GALNT1: variants seen among roughly 807,000 people sequenced by gnomAD.
GALNT1 encodes polypeptide N-acetylgalactosaminyltransferase 1, also known as GalNAc transferase 1.
A neutral mutation model predicts 65.7 loss-of-function variants in GALNT1; 17 were observed. The ratio of observed to expected loss-of-function variants is 0.26; its 90% CI spans 0.18 to 0.39. The LOEUF (loss-of-function observed/expected upper bound fraction) is 0.39. Ranked by LOEUF, GALNT1 falls within the 10% of genes least tolerant of loss-of-function variation. The probability of loss-of-function intolerance (pLI) is 1.00; values close to 1 mark genes in which losing one functional copy is unlikely to be tolerated. For synonymous variants in GALNT1, 210 were observed against 219.7 expected, an observed-to-expected ratio of 0.96 and a Z score of 0.39; for missense variants, 460 against 672.8, an observed-to-expected ratio of 0.68 and a Z score of 3.50.
At position 35,607,610 on chromosome 18, in the gene GALNT1, T is replaced by C. The variant is rs548814143; in HGVS notation, c.-104+25748T>C. ...TGAGGCTGGGGGCTGGTATGGTGGCTCCATGGTTTTCTGGGATCTTAGTTG... is the reference window on the plus strand; with the variant it reads ...TGAGGCTGGGGGCTGGTATGGTGGCCCCATGGTTTTCTGGGATCTTAGTTG... On this transcript the variant is annotated intron_variant, in intron 1 of 11. Transcript: ENST00000269195. Among the ~76,000 whole-genome samples, 4 of 152,168 alleles carry C rather than the reference T, an allele frequency of 2.6e-5. No homozygotes were observed. In the East Asian group the frequency reaches 7.7e-4, roughly 29 times the overall value.
chr18:35,686,910 C>T, intron 5 of GALNT1, 106 bp from the exon 6 acceptor site: 1 of 1,145,668 alleles, frequency 8.7e-7, no homozygotes, highest in Non-Finnish European at 1.2e-6. Context: ...TACCCTGTTT[C>T]AAGGGAAAAA....
At chr18:35,594,365 C>T (rs2046479827) in intron 1 of GALNT1, among the ~76,000 whole-genome samples, 1 of 152,134 alleles carries the variant, frequency 6.6e-6, no homozygotes, top group Non-Finnish European at 1.5e-5. Context: ...GGTGGGATTT[C>T]TCTGTAGAGA....
intron 6 of GALNT1, 91 bp downstream of exon 6, chr18:35,687,277 G>A (rs1398306001): frequency 7.9e-7 from 1 of 1,266,520 alleles, no homozygotes; most frequent in African/African-American, 1.5e-5. Context: ...AGTGTATTTT[G>A]AGAAACGTGA....
chr18:35,595,244 A>G (rs2046491114), intron 1 of GALNT1, among the ~76,000 whole-genome samples: 1 of 152,208 alleles, frequency 6.6e-6, no homozygotes, highest in East Asian at 1.9e-4. Context: ...TAATGAAATG[A>G]TATATGAAAA....
intron 1 of GALNT1, among the ~76,000 whole-genome samples, chr18:35,607,753 C>A (rs2046669620): frequency 6.6e-6 from 1 of 152,136 alleles, no homozygotes; most frequent in African/African-American, 2.4e-5. Context: ...AAAGAACGGT[C>A]ATGCTACAGT....
chr18:35,657,510 G>T (rs1027568526), intron 2 of GALNT1, among the ~76,000 whole-genome samples: 3 of 152,150 alleles, frequency 2.0e-5, no homozygotes, highest in Admixed American at 6.5e-5. Context: ...GCTGTGCATG[G>T]TATGTGTAGA....
rs1048466297 is a variant in GALNT1 at position 35,682,060 on chromosome 18, T to C, written c.482-1331T>C. Among the ~76,000 whole-genome samples, 77 of 152,194 alleles carry C rather than the reference T, an allele frequency of 5.1e-4. 1 individual carries two copies. The highest frequency in any genetic ancestry group is 5.0e-3 in the Admixed American group (76 of 15,274). On this transcript the variant is annotated intron_variant, in intron 4 of 11. Coordinates refer to ENST00000269195, the MANE Select transcript of GALNT1 (RefSeq NM_020474.4). ...GTTACTACAAAATGTTGCTCTTCTCTGGGATTGGCACTACCCTTACCTTTT... is the reference window on the plus strand; with the variant it reads ...GTTACTACAAAATGTTGCTCTTCTCCGGGATTGGCACTACCCTTACCTTTT...
At chr18:35,598,852 A>G (rs559510215) in intron 1 of GALNT1, among the ~76,000 whole-genome samples, 2 of 152,246 alleles carry the variant, frequency 1.3e-5, no homozygotes, top group East Asian at 1.9e-4. Context: ...CACCAACAGC[A>G]TATAAGGGCT....
intron 1 of GALNT1, among the ~76,000 whole-genome samples, chr18:35,616,294 GCCAAATTAC>G (rs1012883628): frequency 6.6e-6 from 1 of 152,088 alleles, no homozygotes; most frequent in Admixed American, 6.6e-5. Context: ...TGTGACGCTG[GCCAAATTAC>G]CTAACTTTTT....
chr18:35,693,170 A>T (rs2047996413), intron 9 of GALNT1, among the ~76,000 whole-genome samples: 1 of 152,188 alleles, frequency 6.6e-6, no homozygotes, highest in Non-Finnish European at 1.5e-5. Context: ...AAGTTGAAAG[A>T]GTCCTGTCAA....
intron 1 of GALNT1, among the ~76,000 whole-genome samples, chr18:35,646,093 G>A (rs1370011080): frequency 2.0e-5 from 3 of 152,152 alleles, no homozygotes; most frequent in Non-Finnish European, 4.4e-5. Flanking sequence ...GCATGACTAG[G>A]AGGCCTCAGG....
At chr18:35,641,718 G>A (rs530977529) in intron 1 of GALNT1, among the ~76,000 whole-genome samples, 6 of 152,152 alleles carry the variant, frequency 3.9e-5, no homozygotes, top group Non-Finnish European at 5.9e-5. Flanking sequence ...CATCCACCAC[G>A]TGCAGTGATA....
chr18:35,685,208 C>T (rs7241658), intron 5 of GALNT1, among the ~76,000 whole-genome samples: 1,529 of 152,156 alleles, frequency 0.01, 24 homozygotes, highest in African/African-American at 0.033. Context: ...GCAAACTAAA[C>T]CAGCAATATA....
chr18:35,670,835 C>T (rs899669533), intron 3 of GALNT1, among the ~76,000 whole-genome samples: 2 of 152,130 alleles, frequency 1.3e-5, no homozygotes, highest in African/African-American at 4.8e-5. Flanking sequence ...TTTAGGACAA[C>T]GGTGGCACTA....
At chr18:35,652,068 A>G (rs956536364) in intron 1 of GALNT1, among the ~76,000 whole-genome samples, 1 of 151,944 alleles carries the variant, frequency 6.6e-6, no homozygotes, top group African/African-American at 2.4e-5. Context: ...AAAAAAAATC[A>G]AGTTCCTTAC....
At chr18:35,618,677 C>G (rs1037363681) in intron 1 of GALNT1, among the ~76,000 whole-genome samples, 6 of 151,864 alleles carry the variant, frequency 4.0e-5, no homozygotes, top group African/African-American at 1.5e-4. Flanking sequence ...CAACAATTTA[C>G]TTAACTTTCC....
At position 35,689,436 on chromosome 18, in the gene GALNT1, C is replaced by CTGAT. The variant is rs1455480697; in HGVS notation, c.978+147_978+150dup. 121 of 594,920 alleles carry CTGAT rather than the reference C, an allele frequency of 2.0e-4. No homozygotes were observed. In the East Asian group the frequency reaches 2.0e-3, roughly 10 times the overall value. 36.9% of individuals were successfully genotyped at this position (594,920 alleles called of 1,614,324 possible). On this transcript the variant is annotated intron_variant, in intron 7 of 11. Transcript: ENST00000269195. ...CAGAGCCTTCAGTCCATAAAAAGGA[C>CTGAT]TGATAGTAAGGGTTCATTATAAACT...
chr18:35,582,092 A>C (rs2046329350), intron 1 of GALNT1, among the ~76,000 whole-genome samples: 1 of 152,068 alleles, frequency 6.6e-6, no homozygotes, highest in African/African-American at 2.4e-5. Flanking sequence ...TTTCCGTCCT[A>C]GTTTGACATT....
chr18:35,686,288 A>G (rs763957990), intron 5 of GALNT1, among the ~76,000 whole-genome samples: 1 of 152,258 alleles, frequency 6.6e-6, no homozygotes, highest in African/African-American at 2.4e-5. Context: ...AAATTCATAT[A>G]TAAATTCAGT....
Sources: gnomAD v4.1 joint callset for allele counts (sites outside exome capture counted in the v4.1 genomes callset) on GRCh38, gnomAD v4.1.1 for gene constraint, MANE v1.5 for transcripts, NCBI Gene and HGNC (gene_info 2026-07-23, HGNC 2026-07-21) for gene names.